The following SUGCT variants were observed in gnomAD, a reference collection of about 807,000 sequenced individuals.
SUGCT encodes the protein succinyl-CoA:glutarate-CoA transferase.
SUGCT carries 41 observed loss-of-function variants against 55.0 expected under a neutral mutation model. That is an observed-to-expected ratio of 0.74 (90% CI 0.58 to 0.97). SUGCT has a LOEUF of 0.97. SUGCT is among the 50% of genes least tolerant of loss of function. The pLI, the probability that SUGCT is intolerant of heterozygous loss-of-function variation, is 0.00. For missense variants in SUGCT, 568 were observed against 547.8 expected (o/e 1.04, Z -0.37); for synonymous variants, 187 against 200.4 (o/e 0.93, Z 0.56).
Position 40,439,064 on chromosome 7 carries a change from GTATATATATATA to G in SUGCT, c.817-10187_817-10176del, listed in dbSNP as rs1183426693. Among the ~76,000 whole-genome samples, 228 of 27,174 alleles carry G rather than the reference GTATATATATATA, an allele frequency of 8.4e-3. 3 individuals are homozygous for G. Among genetic ancestry groups the G allele is most frequent in the Non-Finnish European group, 0.012 (177 of 14,486 alleles). The allele number at this position is 27,174 out of a possible 152,430, so 17.8% of individuals were successfully genotyped here. Reference sequence around the variant, plus strand: ...TATATATATATGGTATATATATGGTGTATATATATATATATATATATATATATATATATATAT... The same window carrying G: ...TATATATATATGGTATATATATGGTGTATATATATATATATATATATATAT... On this transcript the variant is annotated intron_variant, in intron 9 of 13. Coordinates refer to ENST00000335693, the MANE Select transcript of SUGCT (RefSeq NM_001193313.2).
the SUGCT span, among the ~76,000 whole-genome samples, chr7:40,953,318 C>A: frequency 6.6e-6 from 1 of 152,174 alleles, no homozygotes; most frequent in East Asian, 1.9e-4. Context: ...CATTTAAGGA[C>A]TTCTCTACAT....
chr7:40,273,345 A>C (rs1792232660), intron 7 of SUGCT, among the ~76,000 whole-genome samples: 1 of 152,200 alleles, frequency 6.6e-6, no homozygotes, highest in Admixed American at 6.5e-5. Flanking sequence ...AGGACAAATT[A>C]ACTTCTGAAA....
At chr7:40,657,091 G>A (rs1801052695) in intron 12 of SUGCT, among the ~76,000 whole-genome samples, 1 of 152,158 alleles carries the variant, frequency 6.6e-6, no homozygotes, top group East Asian at 1.9e-4. Context: ...AGAATAACTG[G>A]AGGTGTGTTT....
At chr7:40,627,138 T>C (rs898275318) in intron 12 of SUGCT, among the ~76,000 whole-genome samples, 1 of 152,244 alleles carries the variant, frequency 6.6e-6, no homozygotes, top group African/African-American at 2.4e-5. Context: ...GACCCATTGT[T>C]ACTGGTGGAA....
intron 12 of SUGCT, among the ~76,000 whole-genome samples, chr7:40,578,110 T>C (rs1367613496): frequency 6.6e-6 from 1 of 152,188 alleles, no homozygotes; most frequent in Non-Finnish European, 1.5e-5. Flanking sequence ...GTAGAGGGGC[T>C]GTAATAACAC....
the SUGCT span, among the ~76,000 whole-genome samples, chr7:40,902,394 A>G: frequency 6.6e-6 from 1 of 152,036 alleles, no homozygotes; most frequent in Admixed American, 6.6e-5. Context: ...CCTGGCTAAT[A>G]TGGTGAAACC....
At chr7:40,744,013 C>G (rs1199127761) in intron 12 of SUGCT, among the ~76,000 whole-genome samples, 2 of 152,142 alleles carry the variant, frequency 1.3e-5, no homozygotes, top group Non-Finnish European at 2.9e-5. Flanking sequence ...CCTCCGTCTC[C>G]TGGGTTCAAG....
At chr7:40,854,415 C>CT (rs1563050576) in intron 13 of SUGCT, among the ~76,000 whole-genome samples, 64 of 67,392 alleles carry the variant, frequency 9.5e-4, no homozygotes, top group South Asian at 3.8e-3. Flanking sequence ...TTCTTTCTTT[C>CT]TTTCCTTTCT....
chr7:40,366,865 C>T (rs1433679592), intron 9 of SUGCT, among the ~76,000 whole-genome samples: 2 of 152,156 alleles, frequency 1.3e-5, no homozygotes, highest in African/African-American at 2.4e-5. Flanking sequence ...GGCGATTCCT[C>T]AGGGATCTCG....
At chr7:40,148,864 G>A (rs1788402799) in intron 1 of SUGCT, among the ~76,000 whole-genome samples, 1 of 152,178 alleles carries the variant, frequency 6.6e-6, no homozygotes, top group African/African-American at 2.4e-5. Context: ...CTGGTAAATA[G>A]TTCTCTTTAG....
intron 8 of SUGCT, among the ~76,000 whole-genome samples, chr7:40,307,497 G>A (rs926112932): frequency 6.6e-6 from 1 of 152,068 alleles, no homozygotes; most frequent in Non-Finnish European, 1.5e-5. Flanking sequence ...ACCCTGGCTT[G>A]TCCACTTACT....
intron 13 of SUGCT, 90 bp from the exon 14 acceptor site, chr7:40,860,226 C>T: frequency 6.7e-7 from 1 of 1,488,994 alleles, no homozygotes; most frequent in Non-Finnish European, 9.3e-7. Flanking sequence ...ATATTTTTGG[C>T]ATTCATGGAA....
chr7:40,181,231 A>G (rs1187180815), intron 2 of SUGCT, among the ~76,000 whole-genome samples: 3 of 152,184 alleles, frequency 2.0e-5, no homozygotes, highest in Admixed American at 1.3e-4. Flanking sequence ...AATTGGAACC[A>G]TATTGAAATT....
chr7:40,336,892 A>G (rs975079832), intron 9 of SUGCT, among the ~76,000 whole-genome samples: 7 of 151,140 alleles, frequency 4.6e-5, no homozygotes, highest in African/African-American at 1.7e-4. Flanking sequence ...ATTTAGTGCT[A>G]TAAATTTCCC....
intron 9 of SUGCT, among the ~76,000 whole-genome samples, chr7:40,361,300 C>T (rs891864528): frequency 6.6e-6 from 1 of 151,928 alleles, no homozygotes. Flanking sequence ...TTTGGTCAGG[C>T]GCGGTGGCTC....
At chr7:40,444,347 A>T (rs974332706) in intron 9 of SUGCT, among the ~76,000 whole-genome samples, 60 of 152,124 alleles carry the variant, frequency 3.9e-4, no homozygotes, top group African/African-American at 1.4e-3. Context: ...GATTCTTCCT[A>T]TCCATGAGCG....
intron 1 of SUGCT, among the ~76,000 whole-genome samples, chr7:40,147,083 TCTC>T (rs1788287741): frequency 2.6e-5 from 4 of 151,834 alleles, no homozygotes; most frequent in African/African-American, 9.7e-5. Flanking sequence ...TCTCTCTCTC[TCTC>T]CCTCTCTTTC....
chr7:40,327,758 A>T (rs1796091732), intron 9 of SUGCT, among the ~76,000 whole-genome samples: 1 of 152,224 alleles, frequency 6.6e-6, no homozygotes, highest in Non-Finnish European at 1.5e-5. Flanking sequence ...AAAAGAATCA[A>T]AGGCCATTTT....
chr7:40,891,330 C>T, the SUGCT span, among the ~76,000 whole-genome samples: 7 of 151,812 alleles, frequency 4.6e-5, no homozygotes, highest in Non-Finnish European at 8.8e-5. Context: ...ATAGGTTAAA[C>T]GTAAGGAGAT....
Sources: gnomAD v4.1 joint callset for allele counts (sites outside exome capture counted in the v4.1 genomes callset) on GRCh38, gnomAD v4.1.1 for gene constraint, MANE v1.5 for transcripts, NCBI Gene and HGNC (gene_info 2026-07-23, HGNC 2026-07-21) for gene names.